The following EXO1 variants were observed in gnomAD, a reference collection of about 807,000 sequenced individuals.
EXO1 encodes exonuclease 1.
Under a neutral mutation model 84.5 loss-of-function variants are expected in EXO1, and 69 were observed. That is an observed-to-expected ratio of 0.82 (90% CI 0.67 to 1.00). The LOEUF is 1.00. EXO1 is among the 50% of genes least tolerant of loss of function. EXO1 has a pLI of 0.00. For missense variants in EXO1, 1,045 were observed against 1,000.7 expected, an observed-to-expected ratio of 1.04 and a Z score of -0.60; for synonymous variants, 373 against 366.1, an observed-to-expected ratio of 1.02 and a Z score of -0.21.
intron 12 of EXO1, 45 bp from the exon 13 acceptor site, chr1:241,878,703 TA>T: frequency 8.0e-7 from 1 of 1,251,352 alleles, no homozygotes; most frequent in Non-Finnish European, 1.1e-6. Context: ...GAGAAAACTC[TA>T]AAATACTCAT....
At chr1:241,852,451 T>C (rs1326075762) in intron 5 of EXO1, 40 bp downstream of exon 5, 1 of 1,567,790 alleles carries the variant, frequency 6.4e-7, no homozygotes, top group South Asian at 1.1e-5. Context: ...TTCATTGCAC[T>C]AAGGTCAGAC....
chr1:241,852,750 G>A (rs1326072213), intron 5 of EXO1, among the ~76,000 whole-genome samples: 4 of 152,274 alleles, frequency 2.6e-5, no homozygotes, highest in Non-Finnish European at 2.9e-5. Flanking sequence ...TCCACCTCCC[G>A]GATTCAAGCA....
intron 12 of EXO1, among the ~76,000 whole-genome samples, chr1:241,874,473 G>C (rs1484472859): frequency 1.3e-5 from 2 of 152,196 alleles, no homozygotes; most frequent in African/African-American, 4.8e-5. Flanking sequence ...CTCTGTTTTA[G>C]ATCAACCATT....
intron 15 of EXO1, among the ~76,000 whole-genome samples, chr1:241,887,045 C>T (rs1412689630): frequency 6.6e-6 from 1 of 152,144 alleles, no homozygotes; most frequent in East Asian, 1.9e-4. Context: ...GGTAAATTTT[C>T]TTCTTTGCTG....
chr1:241,851,110 G>A (rs776238971), intron 4 of EXO1, among the ~76,000 whole-genome samples: 3 of 152,080 alleles, frequency 2.0e-5, no homozygotes, highest in African/African-American at 7.2e-5. Context: ...GATTACAGGC[G>A]TGAGCCACCA....
chr1:241,860,792 G>C, intron 9 of EXO1, 88 bp downstream of exon 9: 1 of 1,034,854 alleles, frequency 9.7e-7, no homozygotes, highest in Middle Eastern at 2.3e-4. Flanking sequence ...TTAGTAAAAA[G>C]CTTGCACATT....
intron 6 of EXO1, among the ~76,000 whole-genome samples, chr1:241,854,242 A>G (rs1660831472): frequency 6.6e-6 from 1 of 152,108 alleles, no homozygotes; most frequent in African/African-American, 2.4e-5. Flanking sequence ...GGTTAAAGCG[A>G]TTCTCCTGCC....
chr1:241,865,055 G>T (rs992114593), intron 10 of EXO1, among the ~76,000 whole-genome samples: 15 of 143,976 alleles, frequency 1.0e-4, no homozygotes, highest in South Asian at 2.3e-4. Flanking sequence ...GTGTGTGTGG[G>T]GGGGGGGTCT....
intron 13 of EXO1, among the ~76,000 whole-genome samples, chr1:241,879,567 T>G (rs1287247661): frequency 6.6e-6 from 1 of 152,232 alleles, no homozygotes; most frequent in Non-Finnish European, 1.5e-5. Flanking sequence ...GTATATTTCC[T>G]GAATCACTGT....
chr1:241,887,317 T>A (rs1031446983), intron 15 of EXO1, among the ~76,000 whole-genome samples: 3 of 152,192 alleles, frequency 2.0e-5, no homozygotes, highest in Non-Finnish European at 4.4e-5. Flanking sequence ...TTTAAGTTGT[T>A]ATGTGAGGTG....
At chr1:241,869,904 C>T (rs909797750) in intron 11 of EXO1, among the ~76,000 whole-genome samples, 11 of 151,876 alleles carry the variant, frequency 7.2e-5, no homozygotes, top group Non-Finnish European at 1.5e-4. Flanking sequence ...GCCTCCATCT[C>T]CTGGGTTTGA....
In EXO1 at chr1:241,850,512, G is replaced by A; in HGVS notation, c.87G>A (p.Val29=). 4 of 1,613,946 alleles carry A rather than the reference G, an allele frequency of 2.5e-6. No individual in the cohort carries two copies. The South Asian group carries it at 4.4e-5, about 18-fold the overall frequency. ...AGTATAAAGGGCAGGTAGTAGCTGT[G>A]GATACATATTGCTGGCTTCACAAAG... ...VRKYKGQVVA[V]DTYCWLHKGA... The change falls in exon 4 of 16, where the codon GTG becomes GTA. Residue 29 remains valine (V), a synonymous_variant. Coordinates refer to ENST00000366548, the MANE Select transcript of EXO1 (RefSeq NM_130398.4).
At chr1:241,850,873 A>G (rs982292318) in intron 4 of EXO1, among the ~76,000 whole-genome samples, 2 of 122,084 alleles carry the variant, frequency 1.6e-5, no homozygotes, top group African/African-American at 3.2e-5. Context: ...TGGAATCTCT[A>G]GCTCAGGCTG....
intron 12 of EXO1, among the ~76,000 whole-genome samples, chr1:241,877,829 A>C (rs1662483399): frequency 1.3e-5 from 2 of 152,156 alleles, no homozygotes; most frequent in South Asian, 4.1e-4. Flanking sequence ...AGAGTATAGA[A>C]GTTTATAGGG....
At position 241,881,278 on chromosome 1, in the gene EXO1, C is replaced by T. The variant is rs186736542; in HGVS notation, c.2110-638C>T. 2.9e-3 allele frequency among the ~76,000 whole-genome samples: 438 copies of T among 152,276 alleles called. 18 individuals carry two copies. The highest frequency in any genetic ancestry group is 3.4e-3 in the Middle Eastern group (1 of 294). On this transcript the variant is annotated intron_variant, in intron 13 of 15. Coordinates refer to ENST00000366548, the MANE Select transcript of EXO1 (RefSeq NM_130398.4). ...CCTGACCTCAAGTGATCTACCCACC[C>T]ACCTTGGCCTCCCAAAGTGCTGGGA... is the stretch of plus-strand genomic sequence containing the variant.
Position 241,866,847 on chromosome 1 carries a change from T to A in EXO1, c.1059T>A (p.Ser353Arg). Reference protein sequence around the residue: ...PDTAMPAHSRSHSWDDKTCQK... With the variant: ...PDTAMPAHSRRHSWDDKTCQK... Reference sequence around the variant, plus strand: ...TTTTCTAGCCTGCCCATTCAAGAAGTCATAGTTGGGATGACAAAACATGTC... The same window carrying A: ...TTTTCTAGCCTGCCCATTCAAGAAGACATAGTTGGGATGACAAAACATGTC... The change falls in exon 11 of 16, where the codon AGT (serine) becomes AGA (arginine). Residue 353 changes from serine to arginine, a missense_variant. Transcript: ENST00000366548. 2.5e-6 allele frequency: 4 copies of A among 1,612,702 alleles called. No individual in the cohort carries two copies. The South Asian group carries it at 4.4e-5, about 18-fold the overall frequency.
chr1:241,863,470 G>A (rs904155668), intron 10 of EXO1, among the ~76,000 whole-genome samples: 2 of 150,728 alleles, frequency 1.3e-5, no homozygotes, highest in African/African-American at 4.9e-5. Context: ...GGAACTCTTA[G>A]ATTGTTCATT....
At chr1:241,884,697 G>A (rs974108651) in intron 14 of EXO1, among the ~76,000 whole-genome samples, 2 of 151,848 alleles carry the variant, frequency 1.3e-5, no homozygotes, top group Non-Finnish European at 2.9e-5. Flanking sequence ...GTAAGTCAGT[G>A]GATGCATAGG....
chr1:241,862,234 A>G (rs1228017492), intron 10 of EXO1, among the ~76,000 whole-genome samples: 1 of 152,126 alleles, frequency 6.6e-6, no homozygotes, highest in East Asian at 1.9e-4. Flanking sequence ...CACCACTCCT[A>G]GCCGCGATTT....
Sources: gnomAD v4.1 joint callset for allele counts (sites outside exome capture counted in the v4.1 genomes callset) on GRCh38, gnomAD v4.1.1 for gene constraint, MANE v1.5 for transcripts, NCBI Gene and HGNC (gene_info 2026-07-23, HGNC 2026-07-21) for gene names.